COL20A1: variants seen among roughly 807,000 people sequenced by gnomAD.
COL20A1 encodes the protein collagen type XX alpha 1 chain.
A neutral mutation model predicts 152.9 loss-of-function variants in COL20A1; 164 were observed. The ratio of observed to expected loss-of-function variants is 1.07; its 90% CI spans 0.94 to 1.22. The LOEUF (loss-of-function observed/expected upper bound fraction) is 1.22, where lower values mean the gene tolerates loss of function less well. COL20A1 is among the 50% of genes most tolerant of loss of function. The pLI, the probability that COL20A1 is intolerant of heterozygous loss-of-function variation, is 0.00. For missense variants in COL20A1, 1,873 were observed against 1,744.8 expected, an observed-to-expected ratio of 1.07 and a Z score of -1.31; for synonymous variants, 864 against 756.0, an observed-to-expected ratio of 1.14 and a Z score of -2.34.
chr20:63,311,914 A>T lies in COL20A1; in HGVS notation c.1664-2A>T, dbSNP rs772647074. On this transcript the variant is annotated splice_acceptor_variant, in intron 13 of 35. Coordinates refer to ENST00000358894, the MANE Select transcript of COL20A1 (RefSeq NM_020882.4). LOFTEE classifies it high-confidence loss of function. This position sits in a 1 kb window ranked among gnomAD's most constrained non-coding sequence, Gnocchi z 4.4. ...GCCTTGAGGCTCTGCTGTGCTTTGC[A>T]GCCACCCTGGCCCCCCCGAGACACC... 1.3e-6 allele frequency: 2 copies of T among 1,544,038 alleles called. No homozygotes were observed. The highest frequency in any genetic ancestry group is 1.2e-5 in the South Asian group (1 of 83,266).
At chr20:63,328,651 C>T (rs1207723102) in intron 34 of COL20A1, among the ~76,000 whole-genome samples, 153 bp downstream of exon 34, 1 of 152,194 alleles carries the variant, frequency 6.6e-6, no homozygotes, top group Non-Finnish European at 1.5e-5. Context: ...GGTGAGGACA[C>T]GGGGCTTCCC....
Position 63,332,501 on chromosome 20 carries a change from G to A in COL20A1, c.*1785G>A, listed in dbSNP as rs901481740. 2.6e-5 allele frequency: 4 copies of A among 152,302 alleles called. No individual in the cohort carries two copies. The highest frequency in any genetic ancestry group is 5.9e-5 in the Non-Finnish European group (4 of 68,100). 9.4% of individuals were successfully genotyped at this position (152,302 alleles called of 1,614,324 possible). A position where few individuals can be genotyped will look rare whatever the true frequency, so the allele number is the denominator to read the frequency against. On this transcript the variant is annotated 3_prime_UTR_variant, in exon 36 of 36. Transcript: ENST00000358894. Reference sequence around the variant, plus strand: ...GAGGCAGGAGTGGGGCTAGAATCAAGCCCAGAGCCCACAGGGCATCCAGAG... The same window carrying A: ...GAGGCAGGAGTGGGGCTAGAATCAAACCCAGAGCCCACAGGGCATCCAGAG...
intron 5 of COL20A1, among the ~76,000 whole-genome samples, 194 bp from the exon 6 acceptor site, chr20:63,307,296 C>T (rs140350570): frequency 4.6e-5 from 7 of 152,360 alleles, no homozygotes; most frequent in East Asian, 1.9e-4. Context: ...CTCACATTAG[C>T]GGTGGCTCGA....
Position 63,333,174 on chromosome 20 carries a change from A to T in COL20A1, c.*2458A>T, listed in dbSNP as rs1392596430. 1 of 152,368 alleles carries T rather than the reference A, an allele frequency of 6.6e-6. No individual in the cohort carries two copies. The highest frequency in any genetic ancestry group is 2.4e-5 in the African/African-American group (1 of 41,438). The allele number at this position is 152,368 out of a possible 1,614,324, so 9.4% of individuals were successfully genotyped here. A position where few individuals can be genotyped will look rare whatever the true frequency, so the allele number is the denominator to read the frequency against. ...GCCTCGGTCCCCTCTCCACCCCCAG[A>T]GGCAGCACAGCTTCAGCCCTACGCA... On this transcript the variant is annotated 3_prime_UTR_variant, in exon 36 of 36. Transcript: ENST00000358894.
chr20:63,325,778 G>T lies in COL20A1; in HGVS notation c.3402+57G>T, dbSNP rs1460370840. On this transcript the variant is annotated intron_variant, in intron 29 of 35. Coordinates refer to ENST00000358894, the MANE Select transcript of COL20A1 (RefSeq NM_020882.4). The stretch of plus-strand genomic sequence containing the variant: ...GGGTGGTAGAGACTGGCCTGGGGAC[G>T]GGGGGCCTTGGAGATGGAGGCTGTG... 6 of 1,498,522 alleles carry T rather than the reference G, an allele frequency of 4.0e-6. No individual in the cohort carries two copies. In the African/African-American group the frequency reaches 6.9e-5, roughly 17 times the overall value. 92.8% of individuals were successfully genotyped at this position (1,498,522 alleles called of 1,614,324 possible).
At chr20:63,296,339 G>A (rs1354131147) in intron 2 of COL20A1, among the ~76,000 whole-genome samples, 2 of 152,262 alleles carry the variant, frequency 1.3e-5, no homozygotes, top group African/African-American at 4.8e-5. Context: ...GAGTTTAGGC[G>A]AAGGCAAATC....
chr20:63,316,421 C>T (rs3746379), intron 20 of COL20A1, 132 bp from the exon 21 acceptor site: 13,321 of 581,110 alleles, frequency 0.023, 500 homozygotes, highest in African/African-American at 0.072. Flanking sequence ...CCACCCACGC[C>T]GCTCCGTCAC....
intron 34 of COL20A1, chr20:63,329,242 G>C (rs1399627909): frequency 7.6e-6 from 2 of 263,676 alleles, no homozygotes; most frequent in African/African-American, 4.5e-5. Flanking sequence ...GCCCACAGTG[G>C]CCTGGTTGCA....
intron 27 of COL20A1, among the ~76,000 whole-genome samples, chr20:63,322,624 A>G (rs2068181352): frequency 6.6e-6 from 1 of 152,220 alleles, no homozygotes; most frequent in Admixed American, 6.5e-5. Context: ...GATGTTGAAG[A>G]CAGCGCGCCC....
intron 3 of COL20A1, among the ~76,000 whole-genome samples, chr20:63,299,904 G>GTA (rs996359606): frequency 6.0e-5 from 9 of 151,066 alleles, no homozygotes; most frequent in African/African-American, 1.7e-4. Flanking sequence ...GTGTGTGTGT[G>GTA]TATATATATA....
rs1281474317 is a variant in COL20A1 at position 63,311,575 on chromosome 20, G to A, written c.1539+36G>A. The A allele has an allele frequency of 6.2e-7, 1 of 1,609,910 alleles. No individual in the cohort carries two copies. The highest frequency in any genetic ancestry group is 1.1e-5 in the South Asian group (1 of 90,772). Reference sequence around the variant, plus strand: ...CCGGGGGGTGGCGGGGGAGGCAGAGGAGTGGGGCAGAGCGAGTGGGGGCTG... The same window carrying A: ...CCGGGGGGTGGCGGGGGAGGCAGAGAAGTGGGGCAGAGCGAGTGGGGGCTG... On this transcript the variant is annotated intron_variant, in intron 12 of 35. Transcript: ENST00000358894. The surrounding 1 kb of genome is among the most constrained non-coding windows in gnomAD (Gnocchi z 4.4).
rs373855748 is a variant in COL20A1 at position 63,314,119 on chromosome 20, G to A, written c.2406G>A (p.Gln802=). The A allele has an allele frequency of 5.4e-5, 87 of 1,612,502 alleles. No individual in the cohort carries two copies. The African/African-American group carries it at 1.1e-3, about 21-fold the overall frequency. Residue 802 remains glutamine, a synonymous_variant, in exon 19 of 36, where the codon CAG becomes CAA. Coordinates refer to ENST00000358894, the MANE Select transcript of COL20A1 (RefSeq NM_020882.4). ...GCCACGTGACACTGCCCGACCTGCA[G>A]GCAGCCACGAAGTACAGGGTCCTGG... ...ARSHVTLPDL[Q]AATKYRVLVS...
In COL20A1 at chr20:63,314,177, G is replaced by T. The variant is rs1288879594; in HGVS notation, c.2464G>T (p.Ala822Ser). 1 of 1,573,974 alleles carries T rather than the reference G, an allele frequency of 6.4e-7. No individual in the cohort carries two copies. Among genetic ancestry groups the T allele is most frequent in the East Asian group, 2.3e-5 (1 of 42,678 alleles). The change falls in exon 19 of 36, where the codon GCT becomes TCT. Residue 822 changes from alanine to serine, a missense_variant. Ala to Ser is a moderately conservative substitution (Grantham distance 99). Transcript: ENST00000358894. Reference protein sequence around the residue: ...SAIYAAGRSEAVSATGQTACP... With the variant: ...SAIYAAGRSESVSATGQTACP... ...TATCTATGCAGCAGGCAGGAGTGAG[G>T]CTGTGTCTGCCACGGGCCAGACAGG... is the stretch of plus-strand genomic sequence containing the variant.
intron 26 of COL20A1, 48 bp downstream of exon 26, chr20:63,321,147 T>C (rs2068157481): frequency 1.6e-6 from 2 of 1,274,134 alleles, no homozygotes; most frequent in East Asian, 2.5e-5. Flanking sequence ...CACTGGCCAA[T>C]GTATTGCTGC....
chr20:63,315,585 C>T (rs372771376), intron 20 of COL20A1, 146 bp downstream of exon 20: 21 of 717,444 alleles, frequency 2.9e-5, no homozygotes, highest in African/African-American at 2.9e-4. Flanking sequence ...CACAGACGTC[C>T]CTGTGGCTGG....
Position 63,298,038 on chromosome 20 carries a change from C to A in COL20A1, c.193+18C>A. On this transcript the variant is annotated intron_variant, in intron 3 of 35. Transcript: ENST00000358894. ...CATGGCAGGTGAGGACCTGCCCCTC[C>A]CAGGCCCCCTTCCCCATTAGCACGT... The A allele has an allele frequency of 6.4e-7, 1 of 1,553,030 alleles. No homozygotes were observed. Among genetic ancestry groups the A allele is most frequent in the South Asian group, 1.1e-5 (1 of 89,754 alleles).
Position 63,326,107 on chromosome 20 carries a change from C to T in COL20A1, c.3414C>T (p.Gly1138=), listed in dbSNP as rs1452812070. 1.4e-5 allele frequency: 23 copies of T among 1,612,772 alleles called. No individual in the cohort carries two copies. Among genetic ancestry groups the T allele is most frequent in the Non-Finnish European group, 1.9e-5 (23 of 1,179,696 alleles). The change falls in exon 30 of 36, where the codon GGC becomes GGT. Residue 1138 remains glycine (G), a synonymous_variant. Coordinates refer to ENST00000358894, the MANE Select transcript of COL20A1 (RefSeq NM_020882.4). ...VGLQGPKGMR[G]LEGTAGLPGP... ...TCCTTTGCCATCAGGGAATGAGAGG[C>T]CTGGAGGGAACTGCTGGCCTGCCTG...
At chr20:63,312,163 C>G in intron 14 of COL20A1, 108 bp downstream of exon 14, 1 of 1,324,052 alleles carries the variant, frequency 7.6e-7, no homozygotes, top group Non-Finnish European at 1.0e-6. Flanking sequence ...AAAACCACAG[C>G]GGCCACGAGG....
intron 9 of COL20A1, 107 bp from the exon 10 acceptor site, chr20:63,309,651 G>A: frequency 3.1e-6 from 4 of 1,285,830 alleles, no homozygotes; most frequent in Non-Finnish European, 4.2e-6. Context: ...CCACAGAAGG[G>A]CTGGGGAGCA....
Sources: allele counts gnomAD v4.1 joint callset (sites outside exome capture counted in the v4.1 genomes callset), GRCh38; gene constraint gnomAD v4.1.1; non-coding constraint Gnocchi (gnomAD v3.1); transcripts MANE v1.5; gene names NCBI Gene and HGNC (gene_info 2026-07-23, HGNC 2026-07-21).